The following ERG variants were observed in gnomAD, a reference collection of about 807,000 sequenced individuals.
ERG encodes the protein ETS transcription factor ERG, also known as transcriptional regulator ERG.
Under a neutral mutation model 55.3 loss-of-function variants are expected in ERG, and 9 were observed. The ratio of observed to expected loss-of-function variants is 0.16; its 90% CI spans 0.10 to 0.28. The LOEUF (loss-of-function observed/expected upper bound fraction) is 0.28, where lower values mean the gene tolerates loss of function less well. Ranked by LOEUF, ERG falls within the 10% of genes least tolerant of loss-of-function variation. The pLI is 1.00. For missense variants in ERG, 434 were observed against 631.6 expected (o/e 0.69, Z 3.35); for synonymous variants, 223 against 237.3 (o/e 0.94, Z 0.55).
upstream of ERG, among the ~76,000 whole-genome samples, chr21:38,500,548 A>G (rs1485353564): frequency 1.3e-5 from 2 of 152,138 alleles, no homozygotes; most frequent in Non-Finnish European, 2.9e-5. Context: ...GTTAACTCTG[A>G]TTGTCTACTG....
rs560762479 is a variant in ERG at position 38,614,171 on chromosome 21, C to T, written c.-149-29226G>A. On this transcript the variant is annotated intron_variant, in intron 1 of 10. Transcript: ENST00000398910. ...GACCAGGGACCTTTCTAGCACCTTC[C>T]TCCTACATATAACTTATATGTAGGA... 9.7e-4 allele frequency among the ~76,000 whole-genome samples: 147 copies of T among 152,312 alleles called. 1 individual carries two copies. The highest frequency in any genetic ancestry group is 3.4e-3 in the African/African-American group (141 of 41,574).
upstream of ERG, among the ~76,000 whole-genome samples, chr21:38,587,468 C>T (rs1001465301): frequency 2.0e-5 from 3 of 152,116 alleles, no homozygotes; most frequent in Non-Finnish European, 4.4e-5. Flanking sequence ...ACACCATTCT[C>T]CTGCCTCAGC....
intron 1 of ERG, among the ~76,000 whole-genome samples, chr21:38,578,691 G>C (rs775553391): frequency 1.5e-3 from 231 of 152,160 alleles, no homozygotes; most frequent in Non-Finnish European, 2.8e-3. Context: ...TCATCCCATA[G>C]ACAACCAAAA....
intron 3 of ERG, among the ~76,000 whole-genome samples, chr21:38,421,264 G>A (rs995665102): frequency 4.6e-5 from 7 of 152,206 alleles, no homozygotes; most frequent in Non-Finnish European, 7.4e-5. Context: ...TACTAAGGAC[G>A]GTTTTCTCCC....
intron 7 of ERG, among the ~76,000 whole-genome samples, chr21:38,392,155 T>C (rs1470858153): frequency 6.6e-6 from 1 of 152,228 alleles, no homozygotes; most frequent in African/African-American, 2.4e-5. Flanking sequence ...AAGGTTGACA[T>C]ACACTACATC....
chr21:38,577,396 AT>A (rs2060001157), intron 1 of ERG, among the ~76,000 whole-genome samples: 1 of 151,860 alleles, frequency 6.6e-6, no homozygotes, highest in Admixed American at 6.6e-5. Context: ...AACCTTAGGC[AT>A]TTTTTTTCTA....
intron 2 of ERG, among the ~76,000 whole-genome samples, chr21:38,544,968 C>A (rs987906130): frequency 4.6e-5 from 7 of 152,154 alleles, no homozygotes; most frequent in African/African-American, 1.4e-4. Flanking sequence ...GAAGCTTCTA[C>A]CCGCTCTTGG....
At chr21:38,634,510 T>G (rs1255878433) in intron 1 of ERG, among the ~76,000 whole-genome samples, 1 of 152,190 alleles carries the variant, frequency 6.6e-6, no homozygotes, top group Non-Finnish European at 1.5e-5. Flanking sequence ...ATATCTGGTG[T>G]AGATAACAAT....
chr21:38,386,207 C>T (rs537385001), intron 9 of ERG, among the ~76,000 whole-genome samples: 341 of 152,284 alleles, frequency 2.2e-3, no homozygotes, highest in Non-Finnish European at 4.1e-3. Flanking sequence ...GACTATTTTA[C>T]CCAGTAGCCA....
intron 1 of ERG, among the ~76,000 whole-genome samples, chr21:38,650,603 C>A (rs2060483158): frequency 6.6e-6 from 1 of 150,426 alleles, no homozygotes; most frequent in Non-Finnish European, 1.5e-5. Flanking sequence ...CACCACTGCA[C>A]TCCAGCCTGC....
At chr21:38,482,084 G>A (rs2146651973) in intron 1 of ERG, among the ~76,000 whole-genome samples, 1 of 152,268 alleles carries the variant, frequency 6.6e-6, no homozygotes, top group South Asian at 2.1e-4. Flanking sequence ...CTGTATTCCT[G>A]CTTTTAATTT....
chr21:38,590,432 A>G (rs2058087644), intron 1 of ERG, among the ~76,000 whole-genome samples: 1 of 152,190 alleles, frequency 6.6e-6, no homozygotes, highest in South Asian at 2.1e-4. Flanking sequence ...TGTATGTCCC[A>G]CAAGGCACAG....
intron 2 of ERG, among the ~76,000 whole-genome samples, chr21:38,534,290 C>T (rs1399179536): frequency 6.6e-6 from 1 of 152,030 alleles, no homozygotes; most frequent in Non-Finnish European, 1.5e-5. Context: ...TTTAATGTCA[C>T]AATTTTTCTT....
At chr21:38,633,365 A>C (rs2060368649) in intron 1 of ERG, among the ~76,000 whole-genome samples, 1 of 152,246 alleles carries the variant, frequency 6.6e-6, no homozygotes. Context: ...TTAAGATGGT[A>C]ACTTTCATGT....
At chr21:38,542,271 A>G (rs146750213) in intron 2 of ERG, among the ~76,000 whole-genome samples, 28 of 152,306 alleles carry the variant, frequency 1.8e-4, no homozygotes, top group South Asian at 6.2e-4. Flanking sequence ...TACAGGCGTG[A>G]GTCACCGCGC....
upstream of ERG, among the ~76,000 whole-genome samples, chr21:38,501,167 G>A (rs1435336813): frequency 7.0e-6 from 1 of 141,942 alleles, no homozygotes; most frequent in African/African-American, 2.6e-5. Context: ...CCAGCTTCAC[G>A]CCATTCTCCT....
At chr21:38,369,036 T>C in the ERG span, among the ~76,000 whole-genome samples, 1 of 152,248 alleles carries the variant, frequency 6.6e-6, no homozygotes. Context: ...TTTAGGCTGA[T>C]TTCATGCCTT....
the ERG span, among the ~76,000 whole-genome samples, chr21:38,370,308 T>C: frequency 6.6e-6 from 1 of 152,128 alleles, no homozygotes; most frequent in Admixed American, 6.5e-5. Context: ...TTTACAATAG[T>C]TAAACATTTT....
At chr21:38,518,369 T>A (rs1325920778) in intron 2 of ERG, among the ~76,000 whole-genome samples, 1 of 152,050 alleles carries the variant, frequency 6.6e-6, no homozygotes, top group African/African-American at 2.4e-5. Context: ...AACATTTTTA[T>A]AAAGGCACAG....
Sources: allele counts gnomAD v4.1 joint callset (sites outside exome capture counted in the v4.1 genomes callset), GRCh38; gene constraint gnomAD v4.1.1; transcripts MANE v1.5; gene names NCBI Gene and HGNC (gene_info 2026-07-23, HGNC 2026-07-21).